Variants in FOXJ3 observed in about 807,000 individuals in gnomAD.
The protein encoded by FOXJ3 is forkhead box J3.
A neutral mutation model predicts 76.1 loss-of-function variants in FOXJ3; 22 were observed. That is an observed-to-expected ratio of 0.29 (90% CI 0.21 to 0.41). The LOEUF (loss-of-function observed/expected upper bound fraction) is 0.41, where lower values mean the gene tolerates loss of function less well. Ranked by LOEUF, FOXJ3 falls within the 10% of genes least tolerant of loss-of-function variation. The pLI is 1.00. For missense variants in FOXJ3, 613 were observed against 762.1 expected, an observed-to-expected ratio of 0.80 and a Z score of 2.30; for synonymous variants, 269 against 261.2, an observed-to-expected ratio of 1.03 and a Z score of -0.29.
intron 3 of FOXJ3, among the ~76,000 whole-genome samples, chr1:42,270,845 A>T (rs544180722): frequency 2.6e-5 from 4 of 152,258 alleles, no homozygotes; most frequent in South Asian, 2.1e-4. Context: ...TTTTAAAAGC[A>T]TTCTATGTAA....
intron 2 of FOXJ3, among the ~76,000 whole-genome samples, chr1:42,302,295 C>G (rs1654200090): frequency 6.6e-6 from 1 of 152,206 alleles, no homozygotes. Context: ...GGTTAAGAGC[C>G]AGCTGAAGCC....
intron 4 of FOXJ3, among the ~76,000 whole-genome samples, chr1:42,261,233 CAG>C: frequency 6.9e-6 from 1 of 144,956 alleles, no homozygotes; most frequent in East Asian, 2.1e-4. Context: ...ATAGAGAAAA[CAG>C]AACTAATGAA....
intron 2 of FOXJ3, among the ~76,000 whole-genome samples, chr1:42,293,788 A>C (rs189665844): frequency 6.6e-6 from 1 of 152,300 alleles, no homozygotes; most frequent in East Asian, 1.9e-4. Flanking sequence ...TTTTTAACAT[A>C]GCTGATACAT....
chr1:42,335,060 T>C lies in FOXJ3; in HGVS notation c.-19A>G, dbSNP rs1455563174. 1 of 151,292 alleles carries C rather than the reference T, an allele frequency of 6.6e-6. No homozygotes were observed. Among genetic ancestry groups the C allele is most frequent in the African/African-American group, 2.4e-5 (1 of 40,872 alleles). The allele number at this position is 151,292 out of a possible 1,614,324, so 9.4% of individuals were successfully genotyped here. A position where few individuals can be genotyped will look rare whatever the true frequency, so the allele number is the denominator to read the frequency against. On this transcript the variant is annotated splice_region_variant and 5_prime_UTR_variant, in exon 1 of 13. Transcript: ENST00000361346. ...GCCGCCCTGGCGGGGGGCACTTACC[T>C]CAGGCTGCGCAGGCCGGGACGGCCC... is the stretch of plus-strand genomic sequence containing the variant.
At chr1:42,215,197 A>T (rs1647041808) in intron 5 of FOXJ3, among the ~76,000 whole-genome samples, 1 of 152,232 alleles carries the variant, frequency 6.6e-6, no homozygotes, top group Admixed American at 6.5e-5. Flanking sequence ...TTATGAGACA[A>T]GGATTTTAAA....
chr1:42,218,563 G>A (rs1647117453), intron 5 of FOXJ3, among the ~76,000 whole-genome samples: 2 of 152,144 alleles, frequency 1.3e-5, no homozygotes, highest in Admixed American at 1.3e-4. Flanking sequence ...TTATAACAAT[G>A]CATTATAAGA....
chr1:42,198,271 T>C (rs890302075), intron 7 of FOXJ3, among the ~76,000 whole-genome samples: 3 of 152,218 alleles, frequency 2.0e-5, no homozygotes, highest in African/African-American at 7.2e-5. Context: ...AGAGCAATAA[T>C]AATTTTGCAG....
At chr1:42,274,843 G>A (rs1652136511) in intron 3 of FOXJ3, among the ~76,000 whole-genome samples, 1 of 151,606 alleles carries the variant, frequency 6.6e-6, no homozygotes, top group African/African-American at 2.4e-5. Context: ...AATAATACAT[G>A]AGCTGAAATA....
chr1:42,251,534 C>A (rs1282416732), intron 4 of FOXJ3, among the ~76,000 whole-genome samples: 1 of 152,070 alleles, frequency 6.6e-6, no homozygotes, highest in Non-Finnish European at 1.5e-5. Flanking sequence ...TGTCAAAGGC[C>A]TTTTCTGCAT....
chr1:42,313,696 C>A (rs1214016052), intron 1 of FOXJ3, among the ~76,000 whole-genome samples: 1 of 152,148 alleles, frequency 6.6e-6, no homozygotes, highest in Non-Finnish European at 1.5e-5. Flanking sequence ...GGCAGCCGTC[C>A]CCTTGCCTGT....
intron 1 of FOXJ3, among the ~76,000 whole-genome samples, chr1:42,322,119 C>T (rs1231095344): frequency 1.3e-5 from 2 of 151,754 alleles, no homozygotes; most frequent in East Asian, 1.9e-4. Context: ...CAGATAGAGA[C>T]GTGAAGGGCC....
At chr1:42,315,718 T>C (rs1012013886) in intron 1 of FOXJ3, among the ~76,000 whole-genome samples, 15 of 152,358 alleles carry the variant, frequency 9.8e-5, no homozygotes, top group African/African-American at 1.4e-4. Flanking sequence ...AAGGTTCACA[T>C]TGAAGTCAGG....
At chr1:42,330,839 A>C (rs1656116425) in intron 1 of FOXJ3, among the ~76,000 whole-genome samples, 1 of 152,130 alleles carries the variant, frequency 6.6e-6, no homozygotes, top group African/African-American at 2.4e-5. Flanking sequence ...GGTCACCTAA[A>C]CTTCAAATTG....
At chr1:42,334,497 G>A (rs1011204686) in intron 1 of FOXJ3, among the ~76,000 whole-genome samples, 9 of 152,288 alleles carry the variant, frequency 5.9e-5, no homozygotes, top group African/African-American at 2.2e-4. Flanking sequence ...TGGAACGGCT[G>A]CCTTTGCCCT....
chr1:42,185,958 T>C (rs1352073993), intron 11 of FOXJ3, among the ~76,000 whole-genome samples: 1 of 150,908 alleles, frequency 6.6e-6, no homozygotes, highest in Non-Finnish European at 1.5e-5. Flanking sequence ...ATTCTGGGAC[T>C]CAAGACCTAC....
At chr1:42,283,061 G>GT (rs1467212459) in intron 2 of FOXJ3, among the ~76,000 whole-genome samples, 2 of 152,126 alleles carry the variant, frequency 1.3e-5, no homozygotes, top group Non-Finnish European at 2.9e-5. Flanking sequence ...GAAGTCTTTC[G>GT]TAAGACAGAA....
chr1:42,284,318 G>C (rs1180850841), intron 2 of FOXJ3, among the ~76,000 whole-genome samples: 2 of 152,168 alleles, frequency 1.3e-5, no homozygotes, highest in East Asian at 3.9e-4. Flanking sequence ...TGTGGAATTT[G>C]AAAAGCAAGC....
chr1:42,307,037 G>A (rs903262875), intron 2 of FOXJ3, among the ~76,000 whole-genome samples: 2 of 152,052 alleles, frequency 1.3e-5, no homozygotes, highest in Non-Finnish European at 2.9e-5. Flanking sequence ...TTCCTATAAA[G>A]CTCTCCCAAG....
At chr1:42,250,798 C>CAAAAAAA (rs61431089) in intron 4 of FOXJ3, among the ~76,000 whole-genome samples, 2 of 23,782 alleles carry the variant, frequency 8.4e-5, no homozygotes, top group East Asian at 1.2e-3. Flanking sequence ...AACTCCATCT[C>CAAAAAAA]AAAAAAAAAA....
Sources: gnomAD v4.1 joint callset for allele counts (sites outside exome capture counted in the v4.1 genomes callset) on GRCh38, gnomAD v4.1.1 for gene constraint, MANE v1.5 for transcripts, NCBI Gene and HGNC (gene_info 2026-07-23, HGNC 2026-07-21) for gene names.